Variants in FSTL5 observed in about 807,000 individuals in gnomAD.
FSTL5 encodes follistatin-related protein 5.
FSTL5 carries 62 observed loss-of-function variants against 89.1 expected under a neutral mutation model. The observed-to-expected ratio is 0.70, with a 90% CI of 0.57 to 0.86. The LOEUF is 0.86. FSTL5 is among the 40% of genes least tolerant of loss of function. The pLI is 0.00. For synonymous variants in FSTL5, 383 were observed against 346.2 expected (o/e 1.11, Z -1.18); for missense variants, 1,057 against 1,001.6 (o/e 1.06, Z -0.75).
At chr4:161,462,247 A>G (rs1430744221) in intron 13 of FSTL5, among the ~76,000 whole-genome samples, 1 of 152,170 alleles carries the variant, frequency 6.6e-6, no homozygotes, top group Non-Finnish European at 1.5e-5. Flanking sequence ...CTCTCTGCAT[A>G]TGAAAGACAC....
intron 8 of FSTL5, among the ~76,000 whole-genome samples, chr4:161,554,317 C>G (rs1422261416): frequency 6.6e-6 from 1 of 151,484 alleles, no homozygotes; most frequent in Non-Finnish European, 1.5e-5. Context: ...CAGTACTTCT[C>G]TCTACATTAG....
intron 4 of FSTL5, among the ~76,000 whole-genome samples, chr4:161,778,092 TCACA>T (rs71598736): frequency 0.018 from 2,656 of 148,308 alleles, 44 homozygotes; most frequent in East Asian, 0.056. Context: ...AGACTCCGTA[TCACA>T]CACACACACA....
intron 3 of FSTL5, among the ~76,000 whole-genome samples, chr4:161,923,887 C>G (rs983528690): frequency 7.9e-5 from 12 of 151,756 alleles, no homozygotes; most frequent in African/African-American, 2.9e-4. Flanking sequence ...CTGTGTGTTG[C>G]ATGTAGCTGC....
intron 4 of FSTL5, among the ~76,000 whole-genome samples, chr4:161,784,702 G>C (rs1741820451): frequency 6.6e-6 from 1 of 151,876 alleles, no homozygotes; most frequent in Non-Finnish European, 1.5e-5. Flanking sequence ...AGACCATCCT[G>C]GCTAACACGC....
At chr4:162,001,196 C>T (rs777925960) in intron 3 of FSTL5, among the ~76,000 whole-genome samples, 6 of 152,148 alleles carry the variant, frequency 3.9e-5, no homozygotes, top group Non-Finnish European at 8.8e-5. Context: ...ATGCCAGCAA[C>T]TGAATATTGT....
intron 6 of FSTL5, among the ~76,000 whole-genome samples, chr4:161,719,922 T>C (rs1356500738): frequency 6.6e-6 from 1 of 152,136 alleles, no homozygotes; most frequent in African/African-American, 2.4e-5. Context: ...TTGAAAGACT[T>C]AAACGTAAGA....
chr4:162,057,032 T>C (rs1738565498), intron 2 of FSTL5, among the ~76,000 whole-genome samples: 1 of 152,208 alleles, frequency 6.6e-6, no homozygotes, highest in Non-Finnish European at 1.5e-5. Context: ...AGGAGTGTGA[T>C]TGAAACTGCT....
At chr4:161,991,611 A>G (rs1342707324) in intron 3 of FSTL5, among the ~76,000 whole-genome samples, 1 of 152,160 alleles carries the variant, frequency 6.6e-6, no homozygotes, top group Non-Finnish European at 1.5e-5. Flanking sequence ...ACAGATCAAG[A>G]ATACTGTATT....
intron 2 of FSTL5, among the ~76,000 whole-genome samples, chr4:162,073,211 C>T (rs1049505442): frequency 2.0e-5 from 3 of 151,556 alleles, no homozygotes; most frequent in Non-Finnish European, 4.4e-5. Context: ...ATCTGTTTCA[C>T]TGTAGAACTA....
rs1425921679 is a variant in FSTL5, at chr4:161,637,785, A to G, written c.894+18543T>C. 5.1e-5 allele frequency among the ~76,000 whole-genome samples: 6 copies of G among 117,840 alleles called. 1 individual carries two copies. The highest frequency in any genetic ancestry group is 6.5e-4 in the South Asian group (2 of 3,056). The allele number at this position is 117,840 out of a possible 152,430, so 77.3% of individuals were successfully genotyped here. ...GATCAGATAGTTGTAGATATGTGGC[A>G]TTATTTCTGAGGGCTCTGTTCTGTT... On this transcript the variant is annotated intron_variant, in intron 7 of 15. Transcript: ENST00000306100.
At chr4:161,682,080 G>A (rs1016457848) in intron 6 of FSTL5, among the ~76,000 whole-genome samples, 2 of 152,138 alleles carry the variant, frequency 1.3e-5, no homozygotes, top group Non-Finnish European at 1.5e-5. Flanking sequence ...CAGCATTTGT[G>A]TATCTAAATA....
chr4:161,522,851 T>C (rs1731085494), intron 10 of FSTL5, among the ~76,000 whole-genome samples: 3 of 151,840 alleles, frequency 2.0e-5, no homozygotes, highest in South Asian at 4.1e-4. Context: ...TAAATATAAA[T>C]AAAAAATATC....
intron 14 of FSTL5, among the ~76,000 whole-genome samples, chr4:161,457,180 A>T (rs2126405357): frequency 6.6e-6 from 1 of 152,270 alleles, no homozygotes; most frequent in Non-Finnish European, 1.5e-5. Flanking sequence ...CAATCAATGA[A>T]TCAATCAATC....
At chr4:161,459,175 G>T in intron 14 of FSTL5, 37 bp downstream of exon 14, 1 of 1,178,624 alleles carries the variant, frequency 8.5e-7, no homozygotes, top group Non-Finnish European at 1.3e-6. Context: ...AAGCTTTAAA[G>T]ATTGTTATTT....
intron 7 of FSTL5, among the ~76,000 whole-genome samples, chr4:161,650,854 T>C (rs1736315609): frequency 6.6e-6 from 1 of 152,144 alleles, no homozygotes; most frequent in East Asian, 1.9e-4. Flanking sequence ...ACAAATATAA[T>C]GTAGACAATA....
At chr4:161,810,421 G>C (rs1730102261) in intron 4 of FSTL5, among the ~76,000 whole-genome samples, 1 of 152,112 alleles carries the variant, frequency 6.6e-6, no homozygotes, top group South Asian at 2.1e-4. Context: ...TGTTATAAAA[G>C]ATGGTCACAA....
intron 6 of FSTL5, among the ~76,000 whole-genome samples, chr4:161,756,859 T>C (rs1198317528): frequency 3.9e-5 from 6 of 152,180 alleles, no homozygotes; most frequent in African/African-American, 1.4e-4. Context: ...TACACAAACA[T>C]ATCCATTTAA....
intron 15 of FSTL5, among the ~76,000 whole-genome samples, chr4:161,450,339 T>A (rs1733117939): frequency 6.6e-6 from 1 of 152,224 alleles, no homozygotes; most frequent in Non-Finnish European, 1.5e-5. Context: ...AAACTGATAT[T>A]TAAATTTTTC....
At chr4:161,556,151 C>G (rs1732383543) in intron 8 of FSTL5, among the ~76,000 whole-genome samples, 1 of 151,488 alleles carries the variant, frequency 6.6e-6, no homozygotes, top group Non-Finnish European at 1.5e-5. Context: ...CTTCTCAGCT[C>G]TTTTTTTAAC....
Sources: gnomAD v4.1 joint callset for allele counts (sites outside exome capture counted in the v4.1 genomes callset) on GRCh38, gnomAD v4.1.1 for gene constraint, MANE v1.5 for transcripts, NCBI Gene and HGNC (gene_info 2026-07-23, HGNC 2026-07-21) for gene names.